PBX1: variants seen among roughly 807,000 people sequenced by gnomAD.
PBX1 encodes PBX homeobox 1, also known as pre-B-cell leukemia transcription factor 1.
PBX1 carries 6 observed loss-of-function variants against 53.4 expected under a neutral mutation model. The ratio of observed to expected loss-of-function variants is 0.11; its 90% CI spans 0.06 to 0.22. The LOEUF is 0.22. Among genes scored for constraint, PBX1 ranks in the 10% least tolerant of loss-of-function variants. The pLI, the probability that PBX1 is intolerant of heterozygous loss-of-function variation, is 1.00. For missense variants in PBX1, 251 were observed against 551.4 expected (o/e 0.46, Z 5.46); for synonymous variants, 204 against 212.3 (o/e 0.96, Z 0.34).
chr1:164,859,522 T>C (rs1389043450), intron 2 of PBX1, among the ~76,000 whole-genome samples: 1 of 152,212 alleles, frequency 6.6e-6, no homozygotes, highest in Non-Finnish European at 1.5e-5. Context: ...TGCACATCAC[T>C]GCTTTATTCA....
At chr1:164,668,658 T>G (rs1436096299) in intron 2 of PBX1, among the ~76,000 whole-genome samples, 1 of 152,214 alleles carries the variant, frequency 6.6e-6, no homozygotes, top group African/African-American at 2.4e-5. Flanking sequence ...CCCTTTCGCC[T>G]TACCTTCCCC....
chr1:164,682,872 A>ATGGGATCCTTGCAGT (rs1199780710), intron 2 of PBX1: 17 of 152,166 alleles, frequency 1.1e-4, no homozygotes, highest in African/African-American at 4.1e-4. Flanking sequence ...TTCCTTGCAG[A>ATGGGATCCTTGCAGT]TGGGATCCTT....
intron 2 of PBX1, among the ~76,000 whole-genome samples, chr1:164,582,141 A>G (rs1654654577): frequency 6.6e-6 from 1 of 152,256 alleles, no homozygotes; most frequent in Non-Finnish European, 1.5e-5. Context: ...GTAAAATGGT[A>G]TCCATAAGAT....
In PBX1 at chr1:164,616,470, C is replaced by T. The variant is rs146655007; in HGVS notation, c.265+53159C>T. On this transcript the variant is annotated intron_variant, in intron 2 of 8. Transcript: ENST00000420696. ...ACTTAGCATTATCTTGGGTGTATCT[C>T]CCTTGAGAAATATATTCCTGGAAAT... 5.9e-3 allele frequency among the ~76,000 whole-genome samples: 893 copies of T among 152,268 alleles called. 6 individuals are homozygous for T. The highest frequency in any genetic ancestry group is 8.9e-3 in the Non-Finnish European group (605 of 68,026).
intron 8 of PBX1, among the ~76,000 whole-genome samples, chr1:164,823,622 G>T (rs569045034): frequency 3.3e-4 from 44 of 133,326 alleles, no homozygotes; most frequent in African/African-American, 1.1e-3. Flanking sequence ...GGGGGTGGGG[G>T]GGGGGGTCAA....
intron 2 of PBX1, among the ~76,000 whole-genome samples, chr1:164,664,732 G>A (rs965741962): frequency 1.1e-4 from 16 of 152,322 alleles, no homozygotes; most frequent in African/African-American, 2.2e-4. Context: ...CAATCATGGC[G>A]GAAGGCAAGG....
chr1:164,580,282 CTT>C (rs919973957), intron 2 of PBX1, among the ~76,000 whole-genome samples: 1 of 152,124 alleles, frequency 6.6e-6, no homozygotes, highest in African/African-American at 2.4e-5. Context: ...ATCCACCTGA[CTT>C]TTTTTATTTT....
intron 2 of PBX1, among the ~76,000 whole-genome samples, chr1:164,570,994 A>G (rs1370683225): frequency 1.3e-5 from 2 of 152,160 alleles, no homozygotes; most frequent in East Asian, 3.9e-4. Flanking sequence ...TTTGTTGGCC[A>G]CATAAATGTC....
At chr1:164,655,100 G>GTTTTTTTTTTTTTTTTTTTTTTTTTTT (rs35954587) in intron 2 of PBX1, among the ~76,000 whole-genome samples, 1 of 138,820 alleles carries the variant, frequency 7.2e-6, no homozygotes, top group African/African-American at 2.7e-5. Context: ...TCTGATGTGT[G>GTTTTTTTTTTTTTTTTTTTTTTTTTTT]TTTTTTTTTT....
chr1:164,716,685 T>TACACACACAG (rs1028781223), intron 2 of PBX1, among the ~76,000 whole-genome samples: 1 of 115,828 alleles, frequency 8.6e-6, no homozygotes, highest in African/African-American at 3.5e-5. Context: ...ATGTCATCTC[T>TACACACACAG]ACACACACAC....
rs1264226356 is a variant in PBX1 at position 164,849,358 on chromosome 1, C to T, written c.*2682C>T. On this transcript the variant is annotated 3_prime_UTR_variant, in exon 9 of 9. Transcript: ENST00000420696. Reference sequence around the variant, plus strand: ...TACCCAGCACCTCCCCCGGCACCCCCGGCAAGCCCACTATCACTTCCGACT... The same window carrying T: ...TACCCAGCACCTCCCCCGGCACCCCTGGCAAGCCCACTATCACTTCCGACT... 2.9e-5 allele frequency: 45 copies of T among 1,535,598 alleles called. No homozygotes were observed. Among genetic ancestry groups the T allele is most frequent in the Non-Finnish European group, 3.5e-5 (40 of 1,146,804 alleles).
At chr1:164,563,710 G>A (rs1018062314) in intron 2 of PBX1, among the ~76,000 whole-genome samples, 30 of 152,100 alleles carry the variant, frequency 2.0e-4, no homozygotes, top group African/African-American at 6.5e-4. Context: ...GTGCTAAACT[G>A]TTGAAAGTTT....
rs368173075 is a variant in PBX1, at chr1:164,565,782, AC to A, written c.265+2472del. On this transcript the variant is annotated intron_variant, in intron 2 of 8. Coordinates refer to ENST00000420696, the MANE Select transcript of PBX1 (RefSeq NM_002585.4). ...TTTTTTTCCCCCTCTTCTTCTTGAT[AC>A]AGAGCTGGTGAAAACATCGCTTGAG... 5.5e-3 allele frequency among the ~76,000 whole-genome samples: 834 copies of A among 150,928 alleles called. 4 individuals are homozygous for A. Among genetic ancestry groups the A allele is most frequent in the South Asian group, 0.012 (57 of 4,776 alleles).
At chr1:164,838,979 C>T (rs986088739) in intron 8 of PBX1, among the ~76,000 whole-genome samples, 1 of 152,162 alleles carries the variant, frequency 6.6e-6, no homozygotes, top group Non-Finnish European at 1.5e-5. Flanking sequence ...CTTCATGTAG[C>T]CTGCAAGTCT....
chr1:164,767,506 G>A (rs1037066914), intron 2 of PBX1, among the ~76,000 whole-genome samples: 5 of 152,152 alleles, frequency 3.3e-5, no homozygotes, highest in Non-Finnish European at 5.9e-5. Context: ...GGCTTTCTGC[G>A]TCCAACTGCA....
chr1:164,721,507 G>A lies in PBX1; in HGVS notation c.266-70987G>A, dbSNP rs144453818. Among the ~76,000 whole-genome samples, 118 of 152,190 alleles carry A rather than the reference G, an allele frequency of 7.8e-4. No individual in the cohort carries two copies. In the Middle Eastern group the frequency reaches 0.01, roughly 13 times the overall value. On this transcript the variant is annotated intron_variant, in intron 2 of 8. Transcript: ENST00000420696. ...GGAAGAAGGATAATGACTTAAAAGC[G>A]AAAACAATTGAATTCTTTGAGCTAC... is the stretch of plus-strand genomic sequence containing the variant.
chr1:164,875,988 G>GTATGTATGTATATATATA (rs1553256088), intron 2 of PBX1, among the ~76,000 whole-genome samples: 1 of 56,938 alleles, frequency 1.8e-5, no homozygotes, highest in Non-Finnish European at 4.5e-5. Context: ...TGGTGTATGT[G>GTATGTATGTATATATATA]TATATATATA....
chr1:164,753,702 T>C (rs1281291978), intron 2 of PBX1, among the ~76,000 whole-genome samples: 7 of 152,232 alleles, frequency 4.6e-5, no homozygotes, highest in Non-Finnish European at 8.8e-5. Context: ...AGGGCCACTG[T>C]GGCTAGCTGG....
At chr1:164,726,058 C>T (rs566554070) in intron 2 of PBX1, among the ~76,000 whole-genome samples, 1 of 152,192 alleles carries the variant, frequency 6.6e-6, no homozygotes, top group South Asian at 2.1e-4. Flanking sequence ...AAGTGTTATA[C>T]TGCCTGGTTT....
Sources: allele counts gnomAD v4.1 joint callset (sites outside exome capture counted in the v4.1 genomes callset), GRCh38; gene constraint gnomAD v4.1.1; transcripts MANE v1.5; gene names NCBI Gene and HGNC (gene_info 2026-07-23, HGNC 2026-07-21).